Variants in DSG3 observed in about 807,000 individuals in gnomAD.
The protein encoded by DSG3 is desmoglein-3.
A neutral mutation model predicts 85.9 loss-of-function variants in DSG3; 63 were observed. The ratio of observed to expected loss-of-function variants is 0.73; its 90% CI spans 0.60 to 0.90. DSG3 has a LOEUF of 0.90. Ranked by LOEUF, DSG3 falls within the 40% of genes least tolerant of loss-of-function variation. The pLI is 0.00. For synonymous variants in DSG3, 447 were observed against 441.9 expected, an observed-to-expected ratio of 1.01 and a Z score of -0.14; for missense variants, 1,220 against 1,219.9, an observed-to-expected ratio of 1.00 and a Z score of 0.00.
At chr18:31,463,302 A>G (rs1841395) in intron 8 of DSG3, among the ~76,000 whole-genome samples, 8,130 of 152,154 alleles carry the variant, frequency 0.053, 324 homozygotes, top group South Asian at 0.11. Context: ...TTTCTCTTCC[A>G]CTTCACTGGA....
chr18:31,464,830 A>G (rs529385154), intron 9 of DSG3, among the ~76,000 whole-genome samples: 4 of 152,164 alleles, frequency 2.6e-5, no homozygotes, highest in Non-Finnish European at 4.4e-5. Context: ...TGCATAGCAG[A>G]TATGCTTAAG....
intron 12 of DSG3, among the ~76,000 whole-genome samples, chr18:31,470,523 C>T (rs1414368007): frequency 6.6e-6 from 1 of 151,554 alleles, no homozygotes; most frequent in Non-Finnish European, 1.5e-5. Context: ...TTTTCAATAT[C>T]GTATTAATCA....
At chr18:31,455,508 A>T (rs2072736979) in intron 1 of DSG3, among the ~76,000 whole-genome samples, 2 of 152,242 alleles carry the variant, frequency 1.3e-5, no homozygotes, top group South Asian at 4.1e-4. Flanking sequence ...ACTGTGGTAA[A>T]CCATCATGGG....
In DSG3 at chr18:31,460,028, G is replaced by C. The variant is rs575481753; in HGVS notation, c.684+17G>C. ...GACCGAGAGGTACAGCAAAGCACTT[G>C]GGGGAACATTCAAGATTAAAGGGTT... On this transcript the variant is annotated intron_variant, in intron 6 of 15. Transcript: ENST00000257189. 6.3e-7 allele frequency: 1 copy of C among 1,599,036 alleles called. No individual in the cohort carries two copies. The highest frequency in any genetic ancestry group is 8.5e-7 in the Non-Finnish European group (1 of 1,172,040).
In DSG3 at chr18:31,447,906, G is replaced by T; in HGVS notation, c.29G>T (p.Gly10Val). The change falls in exon 1 of 16, where the codon GGG becomes GTG. Residue 10 changes from glycine (G) to valine (V), a missense_variant. By Grantham distance (109) the Gly-to-Val change is moderately radical. Transcript: ENST00000257189. ...ATGGGGCTCTTCCCCAGAACTACAG[G>T]GGCTCTGGCCATCTTCGTGGTAAGT... MMGLFPRTT[G>V]ALAIFVVVIL... 6.3e-7 allele frequency: 1 copy of T among 1,586,426 alleles called. No homozygotes were observed. The highest frequency in any genetic ancestry group is 8.6e-7 in the Non-Finnish European group (1 of 1,168,170).
Position 31,458,568 on chromosome 18 carries a change from A to G in DSG3, c.340A>G (p.Ile114Val), listed in dbSNP as rs781252518. 5.6e-6 allele frequency: 9 copies of G among 1,613,950 alleles called. No homozygotes were observed. In the South Asian group the frequency reaches 7.7e-5, roughly 14 times the overall value. ...CACTGGAGATATTAACATAACAGCTATAGTCGACCGGGAGGAAACTCCAAG... is the reference window on the plus strand; with the variant it reads ...CACTGGAGATATTAACATAACAGCTGTAGTCGACCGGGAGGAAACTCCAAG... ...KNTGDINITA[I>V]VDREETPSFL... Residue 114 changes from isoleucine (I) to valine (V), a missense_variant, in exon 4 of 16, where the codon ATA (isoleucine) becomes GTA (valine). Ile to Val is a conservative substitution (Grantham distance 29). Transcript: ENST00000257189.
intron 12 of DSG3, among the ~76,000 whole-genome samples, chr18:31,470,353 T>C (rs903454014): frequency 1.3e-5 from 2 of 152,218 alleles, no homozygotes; most frequent in Non-Finnish European, 2.9e-5. Context: ...CAATATTTTT[T>C]CAGGTCCCTT....
At chr18:31,456,762 A>C (rs570450555) in intron 2 of DSG3, among the ~76,000 whole-genome samples, 1 of 152,222 alleles carries the variant, frequency 6.6e-6, no homozygotes, top group Non-Finnish European at 1.5e-5. Context: ...TAAAAAGAAA[A>C]TATAAAATAC....
Position 31,469,253 on chromosome 18 carries a change from A to T in DSG3, c.1801A>T (p.Thr601Ser). ...NRGICGTSYP[T>S]TSPGTRYGRP... The stretch of plus-strand genomic sequence containing the variant: ...GGGCATCTGTGGAACTTCTTACCCA[A>T]CCACAAGCCCTGGGACCAGGTATGG... Residue 601 changes from threonine (T) to serine (S), a missense_variant, in exon 12 of 16, where the codon ACC becomes TCC. Physicochemically the swap from Thr to Ser is moderately conservative, Grantham distance 58. Coordinates refer to ENST00000257189, the MANE Select transcript of DSG3 (RefSeq NM_001944.3). 6.2e-7 allele frequency: 1 copy of T among 1,614,114 alleles called. No individual in the cohort carries two copies. The highest frequency in any genetic ancestry group is 2.2e-5 in the East Asian group (1 of 44,870).
At chr18:31,459,728 C>T (rs935525839) in intron 5 of DSG3, 117 bp from the exon 6 acceptor site, 5 of 1,025,480 alleles carry the variant, frequency 4.9e-6, no homozygotes, top group African/African-American at 3.2e-5. Context: ...TTTGAACATA[C>T]AGATGATTTT....
intron 15 of DSG3, 93 bp from the exon 16 acceptor site, chr18:31,475,553 A>G: frequency 6.9e-7 from 1 of 1,450,980 alleles, no homozygotes; most frequent in South Asian, 1.4e-5. Context: ...TAGTTTGGGC[A>G]TTCATAATCC....
chr18:31,474,988 A>G (rs1222415942), intron 15 of DSG3, among the ~76,000 whole-genome samples: 3 of 152,224 alleles, frequency 2.0e-5, no homozygotes, highest in Non-Finnish European at 4.4e-5. Context: ...GGGGTAGAGT[A>G]TTCACATTAT....
chr18:31,458,357 C>A, intron 3 of DSG3, 88 bp from the exon 4 acceptor site: 5 of 1,348,120 alleles, frequency 3.7e-6, no homozygotes, highest in Non-Finnish European at 5.1e-6. Context: ...ATCGAATGAA[C>A]AGATGACTTT....
At chr18:31,469,849 C>A (rs1204529718) in intron 12 of DSG3, among the ~76,000 whole-genome samples, 1 of 151,770 alleles carries the variant, frequency 6.6e-6, no homozygotes, top group East Asian at 1.9e-4. Context: ...TAATATTAAT[C>A]AATAGCATAT....
At chr18:31,457,991 CAAT>C (rs908728845) in intron 3 of DSG3, among the ~76,000 whole-genome samples, 3 of 152,090 alleles carry the variant, frequency 2.0e-5, no homozygotes, top group Non-Finnish European at 2.9e-5. Context: ...TTTAAAATTA[CAAT>C]AATAATAAGT....
chr18:31,449,781 C>A (rs2072700343), intron 1 of DSG3, among the ~76,000 whole-genome samples: 1 of 152,176 alleles, frequency 6.6e-6, no homozygotes, highest in Non-Finnish European at 1.5e-5. Flanking sequence ...AGTATAACTT[C>A]ATACATAATT....
At chr18:31,456,087 C>T (rs1177874966) in intron 1 of DSG3, among the ~76,000 whole-genome samples, 1 of 152,184 alleles carries the variant, frequency 6.6e-6, no homozygotes, top group African/African-American at 2.4e-5. Context: ...TTTCCCAAAG[C>T]AATGACTTTC....
At chr18:31,475,576 C>T in intron 15 of DSG3, 70 bp from the exon 16 acceptor site, 1 of 1,530,906 alleles carries the variant, frequency 6.5e-7, no homozygotes, top group Non-Finnish European at 8.7e-7. Flanking sequence ...ATGAGTTCTA[C>T]AAACAGTATT....
At chr18:31,457,600 CTTTCT>C (rs1568086526) in intron 3 of DSG3, among the ~76,000 whole-genome samples, 76 of 83,000 alleles carry the variant, frequency 9.2e-4, no homozygotes, top group African/African-American at 4.8e-3. Flanking sequence ...TTCTTTCTTT[CTTTCT>C]TTCTTTCTTT....
Sources: allele counts gnomAD v4.1 joint callset (sites outside exome capture counted in the v4.1 genomes callset), GRCh38; gene constraint gnomAD v4.1.1; transcripts MANE v1.5; gene names NCBI Gene and HGNC (gene_info 2026-07-23, HGNC 2026-07-21).